ATE1: variants seen among roughly 807,000 people sequenced by gnomAD.
ATE1 encodes the protein arginyl-tRNA--protein transferase 1.
A neutral mutation model predicts 70.5 loss-of-function variants in ATE1; 36 were observed. The observed-to-expected ratio is 0.51, with a 90% CI of 0.39 to 0.67. The LOEUF (loss-of-function observed/expected upper bound fraction) is 0.67. Among genes scored for constraint, ATE1 ranks in the 30% least tolerant of loss-of-function variants. The pLI, the probability that ATE1 is intolerant of heterozygous loss-of-function variation, is 0.00. For missense variants in ATE1, 593 were observed against 629.5 expected (o/e 0.94, Z 0.62); for synonymous variants, 232 against 219.3 (o/e 1.06, Z -0.51).
At chr10:121,808,377 G>C (rs545862397) in intron 10 of ATE1, among the ~76,000 whole-genome samples, 62 of 152,254 alleles carry the variant, frequency 4.1e-4, no homozygotes, top group African/African-American at 1.5e-3. Flanking sequence ...AGCAACAGCA[G>C]GTTACAGCTC....
chr10:121,854,921 G>A (rs571255600), intron 8 of ATE1, among the ~76,000 whole-genome samples: 3 of 152,078 alleles, frequency 2.0e-5, no homozygotes, highest in Non-Finnish European at 4.4e-5. Context: ...TGGGTTCCAC[G>A]GGAACTTGCA....
At chr10:121,786,019 G>T (rs1367936582) in intron 11 of ATE1, among the ~76,000 whole-genome samples, 1 of 151,940 alleles carries the variant, frequency 6.6e-6, no homozygotes, top group Non-Finnish European at 1.5e-5. Context: ...ATTATAACAA[G>T]TATAGAGCAG....
At chr10:121,910,817 C>G (rs1951391859) in intron 5 of ATE1, 89 bp downstream of exon 5, 2 of 1,567,248 alleles carry the variant, frequency 1.3e-6, no homozygotes, top group Non-Finnish European at 1.7e-6. Context: ...CTAAGTCATC[C>G]TTTTGGCTGA....
At chr10:121,899,480 C>T (rs898406263) in intron 7 of ATE1, among the ~76,000 whole-genome samples, 3 of 152,188 alleles carry the variant, frequency 2.0e-5, no homozygotes, top group Non-Finnish European at 4.4e-5. Flanking sequence ...TTCCTACATA[C>T]ATCTTTCAAA....
chr10:121,758,102 T>A (rs775239359), intron 11 of ATE1, among the ~76,000 whole-genome samples: 67 of 152,354 alleles, frequency 4.4e-4, no homozygotes, highest in Non-Finnish European at 8.8e-4. Flanking sequence ...ACAAAGAAGG[T>A]ACTATACTTA....
At chr10:121,788,096 TA>T (rs1453206634) in intron 11 of ATE1, among the ~76,000 whole-genome samples, 2 of 152,202 alleles carry the variant, frequency 1.3e-5, no homozygotes, top group East Asian at 3.9e-4. Flanking sequence ...TCATAGGGAC[TA>T]GACTGACTGA....
At chr10:121,810,448 T>C (rs1947273836) in intron 10 of ATE1, among the ~76,000 whole-genome samples, 1 of 152,084 alleles carries the variant, frequency 6.6e-6, no homozygotes. Context: ...TTTTTTGTAT[T>C]TTTAGTAGAG....
chr10:121,898,587 G>A (rs1288538599), intron 7 of ATE1, among the ~76,000 whole-genome samples: 1 of 152,154 alleles, frequency 6.6e-6, no homozygotes, highest in Non-Finnish European at 1.5e-5. Context: ...AATGACTGTT[G>A]ACCTAGAGTG....
At chr10:121,769,087 C>T (rs937018055) in intron 11 of ATE1, among the ~76,000 whole-genome samples, 4 of 151,992 alleles carry the variant, frequency 2.6e-5, no homozygotes, top group Non-Finnish European at 4.4e-5. Flanking sequence ...GCTACAATAA[C>T]GAAAATAATT....
intron 1 of ATE1, 39 bp downstream of exon 1, chr10:121,927,805 G>A: frequency 1.3e-6 from 2 of 1,527,296 alleles, no homozygotes; most frequent in Non-Finnish European, 1.8e-6. Context: ...CGAGACCCGG[G>A]CGCCCGGCTT....
At chr10:121,913,454 T>G (rs949712322) in intron 4 of ATE1, among the ~76,000 whole-genome samples, 1 of 152,222 alleles carries the variant, frequency 6.6e-6, no homozygotes, top group African/African-American at 2.4e-5. Context: ...TGAGAGACAA[T>G]GGCACTTTCT....
At chr10:121,884,711 A>T (rs965326172) in intron 7 of ATE1, among the ~76,000 whole-genome samples, 1 of 152,210 alleles carries the variant, frequency 6.6e-6, no homozygotes, top group African/African-American at 2.4e-5. Flanking sequence ...CCCAAAAAGG[A>T]ACATGCTTGA....
chr10:121,759,204 A>AT (rs1944931105), intron 11 of ATE1, among the ~76,000 whole-genome samples: 1 of 152,226 alleles, frequency 6.6e-6, no homozygotes, highest in South Asian at 2.1e-4. Context: ...CACACAAATC[A>AT]TAAGTAAAAC....
chr10:121,835,190 T>G (rs1273940331), intron 10 of ATE1, among the ~76,000 whole-genome samples: 1 of 152,100 alleles, frequency 6.6e-6, no homozygotes, highest in African/African-American at 2.4e-5. Flanking sequence ...GATAACCAAA[T>G]TCAGGGGTTA....
intron 10 of ATE1, among the ~76,000 whole-genome samples, chr10:121,830,313 G>A (rs1017652296): frequency 6.6e-6 from 1 of 152,120 alleles, no homozygotes; most frequent in Non-Finnish European, 1.5e-5. Flanking sequence ...TCTAGTGGGA[G>A]TGAGTAGGTT....
At chr10:121,811,048 C>T (rs1348433025) in intron 10 of ATE1, among the ~76,000 whole-genome samples, 1 of 152,082 alleles carries the variant, frequency 6.6e-6, no homozygotes, top group Non-Finnish European at 1.5e-5. Context: ...TTATAAAGGA[C>T]ATTATGGGTC....
At position 121,742,341 on chromosome 10, in the gene ATE1, T is replaced by C. The variant is rs1590189851; in HGVS notation, c.*1339A>G. On this transcript the variant is annotated 3_prime_UTR_variant, in exon 12 of 12. Coordinates refer to ENST00000224652, the MANE Select transcript of ATE1 (RefSeq NM_001001976.3). ...GAAAGTTTAAAATTAGCAACAGGAT[T>C]CAAACTACCATGTTTTATAACATGG... 2 of 152,316 alleles carry C rather than the reference T, an allele frequency of 1.3e-5. No homozygotes were observed. Among genetic ancestry groups the C allele is most frequent in the Non-Finnish European group, 2.9e-5 (2 of 68,020 alleles). The allele number at this position is 152,316 out of a possible 1,614,324, so 9.4% of individuals were successfully genotyped here.
intron 8 of ATE1, among the ~76,000 whole-genome samples, chr10:121,865,328 G>C (rs181316096): frequency 3.9e-5 from 6 of 152,298 alleles, no homozygotes; most frequent in Non-Finnish European, 1.5e-5. Flanking sequence ...CACACCTGAA[G>C]AGAAACCTAG....
intron 8 of ATE1, among the ~76,000 whole-genome samples, chr10:121,863,317 G>A (rs56006321): frequency 0.089 from 12,742 of 143,826 alleles, 1,694 homozygotes; most frequent in African/African-American, 0.3. Context: ...GCAGTGGCAC[G>A]ATCTTGGCTC....
Sources: gnomAD v4.1 joint callset for allele counts (sites outside exome capture counted in the v4.1 genomes callset) on GRCh38, gnomAD v4.1.1 for gene constraint, MANE v1.5 for transcripts, NCBI Gene and HGNC (gene_info 2026-07-23, HGNC 2026-07-21) for gene names.